The following NRG2 variants were observed in gnomAD, a reference collection of about 807,000 sequenced individuals.
NRG2 encodes neuregulin 2.
A neutral mutation model predicts 73.9 loss-of-function variants in NRG2; 27 were observed. The observed-to-expected ratio is 0.37, with a 90% CI of 0.27 to 0.50. The LOEUF is 0.50. Among genes scored for constraint, NRG2 ranks in the 20% least tolerant of loss-of-function variants. NRG2 has a pLI of 0.96. For missense variants in NRG2, 1,126 were observed against 1,210.1 expected, an observed-to-expected ratio of 0.93 and a Z score of 1.03; for synonymous variants, 532 against 541.0, an observed-to-expected ratio of 0.98 and a Z score of 0.23.
chr5:139,899,944 TG>T (rs1371031781), intron 1 of NRG2, among the ~76,000 whole-genome samples: 5 of 152,240 alleles, frequency 3.3e-5, no homozygotes, highest in Non-Finnish European at 5.9e-5. Context: ...TTTTCTCATC[TG>T]TAAAGTGAGG....
intron 6 of NRG2, among the ~76,000 whole-genome samples, chr5:139,854,184 A>G (rs1761666212): frequency 2.6e-5 from 4 of 152,124 alleles, no homozygotes; most frequent in Admixed American, 2.6e-4. Context: ...AGCTGCCTCC[A>G]TGGTGAGCTT....
Position 139,846,838 on chromosome 5 carries a change from G to A in NRG2, c.*1079C>T, listed in dbSNP as rs1581749648. On this transcript the variant is annotated 3_prime_UTR_variant, in exon 10 of 10. Coordinates refer to ENST00000361474, the MANE Select transcript of NRG2 (RefSeq NM_004883.3). ...AAAATGTTCAAGTGTCAACAGTCAGGTGTTCAGACATTTCAGGACAGGATT... is the reference window on the plus strand; with the variant it reads ...AAAATGTTCAAGTGTCAACAGTCAGATGTTCAGACATTTCAGGACAGGATT... 1 of 151,750 alleles carries A rather than the reference G, an allele frequency of 6.6e-6. No individual in the cohort carries two copies. Among genetic ancestry groups the A allele is most frequent in the East Asian group, 1.9e-4 (1 of 5,192 alleles). 9.4% of individuals were successfully genotyped at this position (151,750 alleles called of 1,614,324 possible).
chr5:140,040,828 T>C (rs1047045828), intron 1 of NRG2, among the ~76,000 whole-genome samples: 11 of 152,216 alleles, frequency 7.2e-5, no homozygotes, highest in African/African-American at 2.7e-4. Flanking sequence ...CTTGTCTTTA[T>C]AAAACATTTC....
At chr5:140,037,986 C>G (rs1390546679) in intron 1 of NRG2, among the ~76,000 whole-genome samples, 1 of 150,492 alleles carries the variant, frequency 6.6e-6, no homozygotes, top group Non-Finnish European at 1.5e-5. Flanking sequence ...ATAAATTATT[C>G]CTGAATATTT....
chr5:140,032,672 C>T (rs1001694548), intron 1 of NRG2, among the ~76,000 whole-genome samples: 12 of 152,038 alleles, frequency 7.9e-5, no homozygotes, highest in African/African-American at 2.2e-4. Flanking sequence ...ACCAGGTAAA[C>T]GAGATAAGAT....
chr5:139,917,803 T>A (rs1201497979), intron 1 of NRG2, among the ~76,000 whole-genome samples: 2 of 152,236 alleles, frequency 1.3e-5, no homozygotes, highest in Non-Finnish European at 2.9e-5. Context: ...TCTTATCTGA[T>A]AAAATTTTTG....
Position 139,887,309 on chromosome 5 carries a change from T to C in NRG2, c.872+31A>G. The C allele has an allele frequency of 1.9e-6, 3 of 1,611,146 alleles. No individual in the cohort carries two copies. Among genetic ancestry groups the C allele is most frequent in the Non-Finnish European group, 2.5e-6 (3 of 1,177,774 alleles). ...TCTCGAGAGGAGGGAGGGCAGCTGC[T>C]TGGATGGAGGACAGGCTGGATATTG... On this transcript the variant is annotated intron_variant, in intron 2 of 9. Coordinates refer to ENST00000361474, the MANE Select transcript of NRG2 (RefSeq NM_004883.3). This position sits in a 1 kb window ranked among gnomAD's most constrained non-coding sequence, Gnocchi z 4.5.
In NRG2 at chr5:139,904,441, TGCCGCGCTGCGCCCCC is replaced by T. The variant is rs749613530; in HGVS notation, c.701-16946_701-16931del. On this transcript the variant is annotated intron_variant, in intron 1 of 9. Coordinates refer to ENST00000361474, the MANE Select transcript of NRG2 (RefSeq NM_004883.3). This position sits in a 1 kb window ranked among gnomAD's most constrained non-coding sequence, Gnocchi z 6.0. The stretch of plus-strand genomic sequence containing the variant: ...CGGTGGGACGGCCTCAGCTCTCCGC[TGCCGCGCTGCGCCCCC>T]GCCGCCTGCAGCCTCAGTGCCCGAG... 8.3e-7 allele frequency: 1 copy of T among 1,198,982 alleles called. No individual in the cohort carries two copies. Among genetic ancestry groups the T allele is most frequent in the Non-Finnish European group, 1.2e-6 (1 of 847,508 alleles). 74.3% of individuals were successfully genotyped at this position (1,198,982 alleles called of 1,614,324 possible).
At chr5:139,920,665 G>A (rs1171481235) in intron 1 of NRG2, among the ~76,000 whole-genome samples, 1 of 152,168 alleles carries the variant, frequency 6.6e-6, no homozygotes, top group Non-Finnish European at 1.5e-5. Flanking sequence ...TATAAACCAT[G>A]CTTCTCTGAG....
chr5:139,921,989 T>A (rs1367188062), intron 1 of NRG2, among the ~76,000 whole-genome samples: 1 of 150,652 alleles, frequency 6.6e-6, no homozygotes, highest in Non-Finnish European at 1.5e-5. Flanking sequence ...GAGGAACATT[T>A]GAGCCCAGAA....
At chr5:139,979,842 A>G (rs1222186345) in intron 1 of NRG2, among the ~76,000 whole-genome samples, 1 of 152,222 alleles carries the variant, frequency 6.6e-6, no homozygotes, top group Admixed American at 6.5e-5. Flanking sequence ...CAGCTAAGTC[A>G]TACCTGCATT....
At chr5:139,911,449 C>T (rs1193437699) in intron 1 of NRG2, among the ~76,000 whole-genome samples, 2 of 152,008 alleles carry the variant, frequency 1.3e-5, no homozygotes, top group Admixed American at 1.3e-4. Flanking sequence ...TTCTCCCAGC[C>T]CCATGATCTC....
At chr5:139,964,981 C>T (rs780260083) in intron 1 of NRG2, among the ~76,000 whole-genome samples, 3 of 152,242 alleles carry the variant, frequency 2.0e-5, no homozygotes, top group Non-Finnish European at 4.4e-5. Flanking sequence ...CTGGCTTTCA[C>T]TCTCCCAGCT....
chr5:140,042,609 G>A lies in NRG2; in HGVS notation c.461C>T (p.Ala154Val), dbSNP rs1762020812. ...SSSNSTREPPASGRVALVKVL... is the reference protein window; with the variant it reads ...SSSNSTREPPVSGRVALVKVL... ...CTTTACCAACGCCACCCGACCCGAG[G>A]CGGGCGGCTCTCGGGTGCTGTTGGA... The change falls in exon 1 of 10, where the codon GCC (alanine) becomes GTC (valine). Residue 154 changes from alanine to valine, a missense_variant. Transcript: ENST00000361474. 6.2e-7 allele frequency: 1 copy of A among 1,610,848 alleles called. No individual in the cohort carries two copies. The highest frequency in any genetic ancestry group is 1.3e-5 in the African/African-American group (1 of 74,856).
Position 140,042,711 on chromosome 5 carries a change from A to G in NRG2, c.359T>C (p.Val120Ala). The G allele has an allele frequency of 1.3e-6, 2 of 1,575,654 alleles. No individual in the cohort carries two copies. The highest frequency in any genetic ancestry group is 1.7e-6 in the Non-Finnish European group (2 of 1,161,070). The change falls in exon 1 of 10, where the codon GTG (valine) becomes GCG (alanine). Residue 120 changes from valine to alanine, a missense_variant. Transcript: ENST00000361474. ...LACYSPSLKS[V>A]QDQAYKAPVV... The stretch of plus-strand genomic sequence containing the variant: ...GGGTGCCTTGTACGCCTGGTCCTGC[A>G]CTGACTTGAGGCTGGGCGAGTAGCA...
chr5:139,888,522 C>A (rs1004648039), intron 1 of NRG2, among the ~76,000 whole-genome samples: 1 of 152,286 alleles, frequency 6.6e-6, no homozygotes, highest in South Asian at 2.1e-4. Context: ...AGGGAGTTGT[C>A]TGGGAACTGA....
chr5:139,877,380 C>T (rs1290622914), intron 3 of NRG2, among the ~76,000 whole-genome samples: 9 of 152,246 alleles, frequency 5.9e-5, no homozygotes, highest in Admixed American at 5.9e-4. Flanking sequence ...GCCTGCTGCT[C>T]CCCAATGACC....
intron 1 of NRG2, among the ~76,000 whole-genome samples, chr5:139,953,259 A>T (rs1182780549): frequency 1.3e-5 from 2 of 152,226 alleles, no homozygotes; most frequent in East Asian, 3.9e-4. Flanking sequence ...GGACATAGCC[A>T]AAAAGGGCCT....
intron 1 of NRG2, among the ~76,000 whole-genome samples, chr5:139,935,169 GT>G (rs1267417756): frequency 6.6e-6 from 1 of 151,596 alleles, no homozygotes; most frequent in Non-Finnish European, 1.5e-5. Flanking sequence ...CTTTGTCTCA[GT>G]TAAAAAAAAA....
Sources: gnomAD v4.1 joint callset for allele counts (sites outside exome capture counted in the v4.1 genomes callset) on GRCh38, gnomAD v4.1.1 for gene constraint, Gnocchi (gnomAD v3.1) non-coding constraint, MANE v1.5 for transcripts, NCBI Gene and HGNC (gene_info 2026-07-23, HGNC 2026-07-21) for gene names.